FAM219A: variants seen among roughly 807,000 people sequenced by gnomAD.
The protein encoded by FAM219A is family with sequence similarity 219 member A, also known as protein FAM219A.
In FAM219A, 7 loss-of-function variants were observed where a neutral mutation model predicts 23.4. That is an observed-to-expected ratio of 0.30 (90% CI 0.17 to 0.56). FAM219A has a LOEUF of 0.56. Ranked by LOEUF, FAM219A falls within the 20% of genes least tolerant of loss-of-function variation. The pLI is 0.92. For synonymous variants in FAM219A, 93 were observed against 99.0 expected (o/e 0.94, Z 0.36); for missense variants, 166 against 246.9 (o/e 0.67, Z 2.20).
Position 34,398,190 on chromosome 9 carries a change from G to A in FAM219A, c.*2774C>T. 6.9e-7 allele frequency: 1 copy of A among 1,446,050 alleles called. No individual in the cohort carries two copies. The highest frequency in any genetic ancestry group is 2.0e-5 in the Admixed American group (1 of 50,588). The allele number at this position is 1,446,050 out of a possible 1,614,324, so 89.6% of individuals were successfully genotyped here. On this transcript the variant is annotated 3_prime_UTR_variant, in exon 6 of 6. Transcript: ENST00000651358. Reference sequence around the variant, plus strand: ...CCAGGGAGGGAGCTGAGGCTGGCTTGTTTGATGCTTTTAATATCATTATTT... The same window carrying A: ...CCAGGGAGGGAGCTGAGGCTGGCTTATTTGATGCTTTTAATATCATTATTT...
Position 34,399,436 on chromosome 9 carries a change from AC to A in FAM219A, c.*1527del, listed in dbSNP as rs1461796132. The A allele has an allele frequency of 6.6e-6, 1 of 152,170 alleles. No homozygotes were observed. The highest frequency in any genetic ancestry group is 1.5e-5 in the Non-Finnish European group (1 of 68,112). The allele number at this position is 152,170 out of a possible 1,614,324, so 9.4% of individuals were successfully genotyped here. ...TGTATACACATCTTGATCTACAGACACCCTATACAGCCACACACAATAGACA... is the reference window on the plus strand; with the variant it reads ...TGTATACACATCTTGATCTACAGACACCTATACAGCCACACACAATAGACA... On this transcript the variant is annotated 3_prime_UTR_variant, in exon 6 of 6. Transcript: ENST00000651358.
chr9:34,411,663 C>T (rs1427915195), intron 1 of FAM219A, among the ~76,000 whole-genome samples: 2 of 130,334 alleles, frequency 1.5e-5, no homozygotes, highest in African/African-American at 3.0e-5. Flanking sequence ...GGCGACAGAG[C>T]GAGACTCCGT....
chr9:34,443,079 TA>T (rs1823240138), intron 1 of FAM219A, among the ~76,000 whole-genome samples: 1 of 152,152 alleles, frequency 6.6e-6, no homozygotes, highest in Non-Finnish European at 1.5e-5. Context: ...TGACAAGTAC[TA>T]GGGGGTATGT....
Position 34,417,375 on chromosome 9 carries a change from G to T in FAM219A, c.61-11411C>A, listed in dbSNP as rs548830890. Among the ~76,000 whole-genome samples the T allele has an allele frequency of 2.0e-5, 3 of 152,270 alleles. No individual in the cohort carries two copies. In the South Asian group the frequency reaches 6.2e-4, roughly 32 times the overall value. On this transcript the variant is annotated intron_variant, in intron 1 of 5. Coordinates refer to ENST00000651358, the MANE Select transcript of FAM219A (RefSeq NM_001184940.2). This position sits in a 1 kb window ranked among gnomAD's most constrained non-coding sequence, Gnocchi z 4.1. ...AGCTTTATATTCTTACATAGTTTTT[G>T]TAACTATCAGTTTAATGGCTGCATA...
At chr9:34,406,892 T>C (rs1450646687) in intron 1 of FAM219A, among the ~76,000 whole-genome samples, 1 of 146,394 alleles carries the variant, frequency 6.8e-6, no homozygotes, top group Non-Finnish European at 1.5e-5. Flanking sequence ...AACCTCCGCC[T>C]CCCGGTTTCA....
At chr9:34,450,804 A>G (rs1823537900) in intron 1 of FAM219A, among the ~76,000 whole-genome samples, 1 of 152,206 alleles carries the variant, frequency 6.6e-6, no homozygotes, top group Admixed American at 6.5e-5. Flanking sequence ...TCTGATGGCT[A>G]AATCAGGCAA....
Position 34,401,063 on chromosome 9 carries a change from G to T in FAM219A, c.459C>A (p.Ile153=), listed in dbSNP as rs1330437649. Residue 153 remains isoleucine, a synonymous_variant, in exon 6 of 6, where the codon ATC becomes ATA. Coordinates refer to ENST00000651358, the MANE Select transcript of FAM219A (RefSeq NM_001184940.2). ...LLKDGYRLDE[I]PDDEDLDLIP... ...TGAGGTCTAGGTCCTCGTCGTCGGG[G>T]ATCTCATCTAACCGGTAGCCGTCCT... is the stretch of plus-strand genomic sequence containing the variant. The T allele has an allele frequency of 1.2e-6, 2 of 1,612,752 alleles. No individual in the cohort carries two copies. Among genetic ancestry groups the T allele is most frequent in the Non-Finnish European group, 1.7e-6 (2 of 1,179,288 alleles).
chr9:34,416,294 GGAAGGAAGGAAGGAAC>G lies in FAM219A; in HGVS notation c.61-10346_61-10331del, dbSNP rs1192456428. 1.2e-4 allele frequency among the ~76,000 whole-genome samples: 17 copies of G among 145,016 alleles called. 1 individual carries two copies. Among genetic ancestry groups the G allele is most frequent in the African/African-American group, 3.0e-4 (12 of 40,008 alleles). On this transcript the variant is annotated intron_variant, in intron 1 of 5. Coordinates refer to ENST00000651358, the MANE Select transcript of FAM219A (RefSeq NM_001184940.2). Reference sequence around the variant, plus strand: ...GGGAGGGAAGGAAGGAAGGAAGGAAGGAAGGAAGGAAGGAACGAAGGAAGGAAGGAAGGAAGGAAGC... The same window carrying G: ...GGGAGGGAAGGAAGGAAGGAAGGAAGGAAGGAAGGAAGGAAGGAAGGAAGC...
At chr9:34,450,957 C>G (rs936663460) in intron 1 of FAM219A, among the ~76,000 whole-genome samples, 1 of 152,200 alleles carries the variant, frequency 6.6e-6, no homozygotes, top group Non-Finnish European at 1.5e-5. Flanking sequence ...CACTCACATA[C>G]CTCACCGCCA....
chr9:34,458,367 C>T lies in FAM219A; in HGVS notation c.-104G>A, dbSNP rs1823846716. ...AGCCCGGCGGGTGGTGCAGACTAGG[C>T]CTCCCCGGACCACTCGGGCGGGCAG... On this transcript the variant is annotated 5_prime_UTR_variant, in exon 1 of 6. Coordinates refer to ENST00000651358, the MANE Select transcript of FAM219A (RefSeq NM_001184940.2). The surrounding 1 kb of genome is among the most constrained non-coding windows in gnomAD (Gnocchi z 6.6). 5.2e-6 allele frequency: 4 copies of T among 774,602 alleles called. No individual in the cohort carries two copies. Among genetic ancestry groups the T allele is most frequent in the Non-Finnish European group, 6.8e-6 (4 of 586,346 alleles). The allele number at this position is 774,602 out of a possible 1,614,324, so 48.0% of individuals were successfully genotyped here.
At chr9:34,402,558 C>T in intron 3 of FAM219A, 91 bp from the exon 4 acceptor site, 2 of 1,570,992 alleles carry the variant, frequency 1.3e-6, no homozygotes, top group Non-Finnish European at 1.7e-6. Flanking sequence ...CCACTTTCTT[C>T]CCTCCCTCCC....
chr9:34,437,099 G>C (rs1439730004), intron 1 of FAM219A, among the ~76,000 whole-genome samples: 1 of 152,204 alleles, frequency 6.6e-6, no homozygotes, highest in South Asian at 2.1e-4. Flanking sequence ...CTCTTAATGG[G>C]TTTGCACTTC....
At chr9:34,425,309 G>A (rs1325979607) in intron 1 of FAM219A, among the ~76,000 whole-genome samples, 1 of 151,814 alleles carries the variant, frequency 6.6e-6, no homozygotes, top group East Asian at 2.0e-4. Context: ...GTGCAACCCC[G>A]TCTCTACCAA....
At chr9:34,425,290 G>T (rs1351158271) in intron 1 of FAM219A, among the ~76,000 whole-genome samples, 2 of 151,952 alleles carry the variant, frequency 1.3e-5, no homozygotes, top group Admixed American at 6.6e-5. Context: ...GACCAGCCTG[G>T]CCAACATGGT....
rs150177722 is a variant in FAM219A at position 34,449,505 on chromosome 9, C to G, written c.60+8699G>C. Among the ~76,000 whole-genome samples, 9 of 152,294 alleles carry G rather than the reference C, an allele frequency of 5.9e-5. No individual in the cohort carries two copies. The East Asian group carries it at 1.7e-3, about 29-fold the overall frequency. Reference sequence around the variant, plus strand: ...ACCAAAGTTCACCAAGAGCTTCCTACTAATAGCAAGTTCAGACCCTGAAAC... The same window carrying G: ...ACCAAAGTTCACCAAGAGCTTCCTAGTAATAGCAAGTTCAGACCCTGAAAC... On this transcript the variant is annotated intron_variant, in intron 1 of 5. Coordinates refer to ENST00000651358, the MANE Select transcript of FAM219A (RefSeq NM_001184940.2).
chr9:34,454,497 C>A (rs1823665743), intron 1 of FAM219A, among the ~76,000 whole-genome samples: 1 of 152,122 alleles, frequency 6.6e-6, no homozygotes, highest in Non-Finnish European at 1.5e-5. Flanking sequence ...AGGGATAGAC[C>A]AGGCCTGGTT....
rs1407721987 is a variant in FAM219A at position 34,403,024 on chromosome 9, C to T, written c.161-217G>A. ...GTGGGGGGCAAAAAGAGGAGGCTGC[C>T]CCCTGTTTTTCAGGAACCACAACTC... On this transcript the variant is annotated intron_variant, in intron 2 of 5. Transcript: ENST00000651358. 4.6e-5 allele frequency among the ~76,000 whole-genome samples: 7 copies of T among 152,126 alleles called. No homozygotes were observed. The East Asian group carries it at 1.4e-3, about 29-fold the overall frequency.
At chr9:34,455,663 C>T (rs1316456020) in intron 1 of FAM219A, among the ~76,000 whole-genome samples, 1 of 152,000 alleles carries the variant, frequency 6.6e-6, no homozygotes, top group Non-Finnish European at 1.5e-5. Flanking sequence ...GATGGAGTCT[C>T]ACTGTGTTTC....
intron 1 of FAM219A, among the ~76,000 whole-genome samples, chr9:34,426,574 C>T (rs538765532): frequency 4.6e-5 from 7 of 152,244 alleles, no homozygotes; most frequent in East Asian, 3.9e-4. Flanking sequence ...CAGGCAATGG[C>T]GCCGTTTCAC....
Sources: allele counts gnomAD v4.1 joint callset (sites outside exome capture counted in the v4.1 genomes callset), GRCh38; gene constraint gnomAD v4.1.1; non-coding constraint Gnocchi (gnomAD v3.1); transcripts MANE v1.5; gene names NCBI Gene and HGNC (gene_info 2026-07-23, HGNC 2026-07-21).